Variants in MCF2L2 observed in about 807,000 individuals in gnomAD.
MCF2L2 encodes the protein MCF.2 cell line derived transforming sequence-like 2.
Under a neutral mutation model 150.2 loss-of-function variants are expected in MCF2L2, and 102 were observed. The ratio of observed to expected loss-of-function variants is 0.68; its 90% CI spans 0.58 to 0.80. MCF2L2 has a LOEUF of 0.80. MCF2L2 is among the 30% of genes least tolerant of loss of function. The probability of loss-of-function intolerance (pLI) is 0.00; values close to 1 mark genes in which losing one functional copy is unlikely to be tolerated. For synonymous variants in MCF2L2, 465 were observed against 491.3 expected (o/e 0.95, Z 0.71); for missense variants, 1,256 against 1,372.8 (o/e 0.91, Z 1.34).
At chr3:183,248,345 C>T (rs1450181126) in intron 15 of MCF2L2, among the ~76,000 whole-genome samples, 1 of 151,872 alleles carries the variant, frequency 6.6e-6, no homozygotes, top group Non-Finnish European at 1.5e-5. Context: ...TTTAGAAGTA[C>T]TGCTATAAGG....
At chr3:183,299,658 C>A in intron 11 of MCF2L2, 1 of 214,812 alleles carries the variant, frequency 4.7e-6, no homozygotes, top group Non-Finnish European at 9.1e-6. Flanking sequence ...GAGGGAAGCA[C>A]TCTGCAAATA....
chr3:183,334,259 T>C (rs1478271491), intron 5 of MCF2L2, among the ~76,000 whole-genome samples: 3 of 152,226 alleles, frequency 2.0e-5, no homozygotes, highest in Non-Finnish European at 4.4e-5. Flanking sequence ...GCAAGAATCT[T>C]TAATGGATAC....
At chr3:183,341,962 C>A (rs1730715617) in intron 3 of MCF2L2, among the ~76,000 whole-genome samples, 1 of 152,196 alleles carries the variant, frequency 6.6e-6, no homozygotes. Context: ...AGGTTGAGCT[C>A]TGCCATCCTT....
chr3:183,300,198 T>A lies in MCF2L2; in HGVS notation c.1114-2A>T, dbSNP rs1252617207. The A allele has an allele frequency of 6.3e-7, 1 of 1,599,486 alleles. No homozygotes were observed. The highest frequency in any genetic ancestry group is 1.4e-5 in the African/African-American group (1 of 73,924). On this transcript the variant is annotated splice_acceptor_variant, in intron 10 of 29. Coordinates refer to ENST00000328913, the MANE Select transcript of MCF2L2 (RefSeq NM_015078.4). LOFTEE classifies it high-confidence loss of function. ...CAGCTGGGCCTTTTCCAGGGGCTCCTGCAAAGTGAACACCCACAGCCAGGC... is the reference window on the plus strand; with the variant it reads ...CAGCTGGGCCTTTTCCAGGGGCTCCAGCAAAGTGAACACCCACAGCCAGGC...
intron 3 of MCF2L2, among the ~76,000 whole-genome samples, chr3:183,364,142 A>G (rs1712376938): frequency 6.6e-6 from 1 of 152,222 alleles, no homozygotes; most frequent in African/African-American, 2.4e-5. Context: ...TCATCAAGAT[A>G]AATGAATGAA....
chr3:183,293,121 T>A (rs1175756827), intron 13 of MCF2L2, among the ~76,000 whole-genome samples: 1 of 152,080 alleles, frequency 6.6e-6, no homozygotes, highest in Admixed American at 6.5e-5. Context: ...ACAACAAATA[T>A]ACTTTAAATA....
intron 3 of MCF2L2, among the ~76,000 whole-genome samples, chr3:183,359,184 A>C (rs997701988): frequency 2.0e-5 from 3 of 152,198 alleles, no homozygotes; most frequent in East Asian, 1.9e-4. Flanking sequence ...TGCACTGATG[A>C]GACAGCCCTT....
intron 2 of MCF2L2, among the ~76,000 whole-genome samples, chr3:183,382,301 C>T (rs895874907): frequency 6.6e-6 from 1 of 152,120 alleles, no homozygotes; most frequent in African/African-American, 2.4e-5. Flanking sequence ...TCAACTGATC[C>T]GTCTGCCTCG....
At chr3:183,402,853 T>C (rs1714841993) in intron 1 of MCF2L2, among the ~76,000 whole-genome samples, 1 of 149,162 alleles carries the variant, frequency 6.7e-6, no homozygotes, top group African/African-American at 2.6e-5. Context: ...TCTCGCCTCA[T>C]ATCATAGACA....
intron 15 of MCF2L2, among the ~76,000 whole-genome samples, chr3:183,233,116 T>C (rs13066917): frequency 0.33 from 49,891 of 151,992 alleles, 8,494 homozygotes; most frequent in African/African-American, 0.41. Context: ...TCTGGGAGGC[T>C]GAGGCAGGTG....
rs1302704058 is a variant in MCF2L2, at chr3:183,181,526, A to G, written c.3017-1367T>C. Among the ~76,000 whole-genome samples, 1 of 152,118 alleles carries G rather than the reference A, an allele frequency of 6.6e-6. No individual in the cohort carries two copies. Among genetic ancestry groups the G allele is most frequent in the Non-Finnish European group, 1.5e-5 (1 of 68,012 alleles). On this transcript the variant is annotated intron_variant, in intron 27 of 29. Coordinates refer to ENST00000328913, the MANE Select transcript of MCF2L2 (RefSeq NM_015078.4). The surrounding 1 kb of genome is among the most constrained non-coding windows in gnomAD (Gnocchi z 4.3). ...TGTGCCCCCTGCCTTCATCCTCCAG[A>G]CAGGACTTGGGAGCATCTAAGGAAA...
At chr3:183,277,950 TGAG>T (rs1008943426) in intron 14 of MCF2L2, among the ~76,000 whole-genome samples, 20 of 148,100 alleles carry the variant, frequency 1.4e-4, no homozygotes, top group Non-Finnish European at 7.4e-5. Flanking sequence ...TTTAGGAGGC[TGAG>T]GTCAGTGGAT....
chr3:183,336,864 AATAT>A (rs34443126), intron 5 of MCF2L2, among the ~76,000 whole-genome samples: 19,608 of 139,328 alleles, frequency 0.14, 3,566 homozygotes, highest in African/African-American at 0.43. Flanking sequence ...TCAAAAAAAA[AATAT>A]ATATATATAT....
intron 17 of MCF2L2, 31 bp from the exon 18 acceptor site, chr3:183,228,397 G>C: frequency 6.7e-7 from 1 of 1,487,446 alleles, no homozygotes. Flanking sequence ...AAGTAATAAT[G>C]TTTTGATTTT....
rs12632177 is a variant in MCF2L2 at position 183,338,810 on chromosome 3, G to A, written c.476C>T (p.Thr159Met). 0.047 allele frequency: 74,571 copies of A among 1,598,884 alleles called. 2,066 individuals carry two copies. The highest frequency in any genetic ancestry group is 0.12 in the East Asian group (5,321 of 44,516). The change falls in exon 5 of 30, where the codon ACG becomes ATG. Residue 159 changes from threonine (T) to methionine (M), a missense_variant. By Grantham distance (81) the Thr-to-Met change is moderately conservative. Coordinates refer to ENST00000328913, the MANE Select transcript of MCF2L2 (RefSeq NM_015078.4). The part of the protein sequence containing the change: ...GIKYYRNEFK[T>M]KVPIIMVNSV... ...AAAGGTCTTGCTTACCGGCACTTTC[G>A]TTTTAAACTCATTTCGATAGTATTT...
chr3:183,314,351 A>T (rs755969461), intron 7 of MCF2L2, among the ~76,000 whole-genome samples: 7 of 152,162 alleles, frequency 4.6e-5, no homozygotes, highest in Non-Finnish European at 7.3e-5. Context: ...TCCACTGTGG[A>T]TGTTTAGAGA....
intron 14 of MCF2L2, among the ~76,000 whole-genome samples, chr3:183,281,362 CTT>C (rs773642295): frequency 4.9e-5 from 6 of 121,712 alleles, no homozygotes; most frequent in Admixed American, 1.7e-4. Flanking sequence ...GGAACCTCAC[CTT>C]TTTTTTTTTT....
intron 3 of MCF2L2, among the ~76,000 whole-genome samples, chr3:183,352,759 A>G (rs1711553386): frequency 6.6e-6 from 1 of 152,104 alleles, no homozygotes; most frequent in Non-Finnish European, 1.5e-5. Context: ...ATTTCAACTA[A>G]CTTATTAGAA....
At position 183,311,776 on chromosome 3, in the gene MCF2L2, GA is replaced by G; in HGVS notation, c.754-5del. ...TTCCAAGTAATTTCAGCTCATCCTA[GA>G]AAATAAAAGTAGTCTCTCTTAGAAC... On this transcript the variant is annotated splice_region_variant and splice_polypyrimidine_tract_variant and intron_variant, in intron 7 of 29. Transcript: ENST00000328913. 1 of 1,612,492 alleles carries G rather than the reference GA, an allele frequency of 6.2e-7. No individual in the cohort carries two copies. The highest frequency in any genetic ancestry group is 8.5e-7 in the Non-Finnish European group (1 of 1,179,468).
Sources: allele counts gnomAD v4.1 joint callset (sites outside exome capture counted in the v4.1 genomes callset), GRCh38; gene constraint gnomAD v4.1.1; non-coding constraint Gnocchi (gnomAD v3.1); transcripts MANE v1.5; gene names NCBI Gene and HGNC (gene_info 2026-07-23, HGNC 2026-07-21).